GNAQ: variants seen among roughly 807,000 people sequenced by gnomAD.
GNAQ encodes G protein subunit alpha q, also known as guanine nucleotide-binding protein G(q) subunit alpha.
A neutral mutation model predicts 43.9 loss-of-function variants in GNAQ; 8 were observed. The observed-to-expected ratio is 0.18, with a 90% CI of 0.11 to 0.33. The LOEUF is 0.33. Ranked by LOEUF, GNAQ falls within the 10% of genes least tolerant of loss-of-function variation. The probability of loss-of-function intolerance (pLI) is 1.00; values close to 1 mark genes in which losing one functional copy is unlikely to be tolerated. For missense variants in GNAQ, 158 were observed against 450.8 expected, an observed-to-expected ratio of 0.35 and a Z score of 5.88; for synonymous variants, 155 against 170.7, an observed-to-expected ratio of 0.91 and a Z score of 0.71.
At chr9:77,805,427 T>C (rs1005097225) in intron 3 of GNAQ, among the ~76,000 whole-genome samples, 2 of 152,022 alleles carry the variant, frequency 1.3e-5, no homozygotes, top group African/African-American at 4.8e-5. Context: ...TTTTTTGAGA[T>C]GGAGTCTCGC....
chr9:78,027,381 G>A (rs540613425), intron 1 of GNAQ, among the ~76,000 whole-genome samples: 34 of 152,182 alleles, frequency 2.2e-4, no homozygotes, highest in South Asian at 8.3e-4. Flanking sequence ...AGCATTCTAC[G>A]AGTTAGATAC....
chr9:77,923,040 A>G (rs1039685478), intron 1 of GNAQ, among the ~76,000 whole-genome samples: 3 of 151,292 alleles, frequency 2.0e-5, no homozygotes, highest in African/African-American at 7.3e-5. Context: ...AAATTTCTGT[A>G]GAGACAGGTT....
chr9:77,995,893 C>T (rs747217934), intron 1 of GNAQ, among the ~76,000 whole-genome samples: 3 of 152,126 alleles, frequency 2.0e-5, no homozygotes, highest in Non-Finnish European at 2.9e-5. Flanking sequence ...ATTTAGAAGA[C>T]ACAACTTGAT....
intron 3 of GNAQ, among the ~76,000 whole-genome samples, chr9:77,800,159 G>A (rs975013535): frequency 6.6e-6 from 1 of 151,964 alleles, no homozygotes; most frequent in African/African-American, 2.4e-5. Flanking sequence ...GTGGAAGTCA[G>A]TGTGGCGATT....
At chr9:77,757,368 C>T (rs2118314752) in intron 5 of GNAQ, among the ~76,000 whole-genome samples, 1 of 152,282 alleles carries the variant, frequency 6.6e-6, no homozygotes, top group Admixed American at 6.5e-5. Context: ...ACCAGATCTG[C>T]AAATAATCAT....
At chr9:77,918,972 C>T (rs1828956983) in intron 2 of GNAQ, among the ~76,000 whole-genome samples, 1 of 152,106 alleles carries the variant, frequency 6.6e-6, no homozygotes, top group African/African-American at 2.4e-5. Flanking sequence ...CAGGCTGCAG[C>T]GTAGCGGCAT....
intron 5 of GNAQ, among the ~76,000 whole-genome samples, chr9:77,751,828 C>T (rs545989978): frequency 3.7e-4 from 56 of 151,994 alleles, no homozygotes; most frequent in Non-Finnish European, 4.9e-4. Flanking sequence ...AAAAAACAAA[C>T]GAAAAAAACA....
At chr9:77,732,183 G>A (rs768024414) in intron 5 of GNAQ, among the ~76,000 whole-genome samples, 45 of 152,142 alleles carry the variant, frequency 3.0e-4, no homozygotes, top group Non-Finnish European at 8.8e-5. Context: ...ATCTGCCAGA[G>A]CATGACGTTT....
intron 2 of GNAQ, among the ~76,000 whole-genome samples, chr9:77,834,303 G>A (rs1827348823): frequency 6.6e-6 from 1 of 152,180 alleles, no homozygotes. Context: ...CCTGGCTACT[G>A]AGAGATTAAT....
chr9:78,004,826 T>C (rs1823686013), intron 1 of GNAQ, among the ~76,000 whole-genome samples: 1 of 151,796 alleles, frequency 6.6e-6, no homozygotes, highest in African/African-American at 2.4e-5. Context: ...AAAAGCATCC[T>C]AGGGGTGGGA....
At chr9:77,957,571 T>C (rs558231214) in intron 1 of GNAQ, among the ~76,000 whole-genome samples, 6 of 152,086 alleles carry the variant, frequency 3.9e-5, no homozygotes, top group Non-Finnish European at 8.8e-5. Flanking sequence ...AAGGGGAATT[T>C]GCTTGTTTTT....
intron 1 of GNAQ, among the ~76,000 whole-genome samples, chr9:77,933,784 A>G (rs1829189258): frequency 6.6e-6 from 1 of 152,226 alleles, no homozygotes; most frequent in Non-Finnish European, 1.5e-5. Context: ...GACCCTTCAA[A>G]CTTAATACAC....
At chr9:77,924,274 A>G (rs1829038173) in intron 1 of GNAQ, among the ~76,000 whole-genome samples, 1 of 152,214 alleles carries the variant, frequency 6.6e-6, no homozygotes, top group Non-Finnish European at 1.5e-5. Context: ...TAGTAGAAAT[A>G]AAGCTACAAA....
In GNAQ at chr9:77,819,420, C is replaced by A. The variant is rs116151827; in HGVS notation, c.322-3650G>T. 6.7e-3 allele frequency among the ~76,000 whole-genome samples: 1,013 copies of A among 152,264 alleles called. 19 individuals carry two copies. Among genetic ancestry groups the A allele is most frequent in the African/African-American group, 0.023 (955 of 41,544 alleles). ...CTTACCCAGCCCACAGCAGGCCAAGCCTTTAGGTGAAATGAAAAAGACCTC... is the reference window on the plus strand; with the variant it reads ...CTTACCCAGCCCACAGCAGGCCAAGACTTTAGGTGAAATGAAAAAGACCTC... On this transcript the variant is annotated intron_variant, in intron 2 of 6. Coordinates refer to ENST00000286548, the MANE Select transcript of GNAQ (RefSeq NM_002072.5).
chr9:77,936,500 T>C (rs184156895), intron 1 of GNAQ, among the ~76,000 whole-genome samples: 21 of 152,182 alleles, frequency 1.4e-4, no homozygotes, highest in East Asian at 5.8e-4. Context: ...TGTTTCATCA[T>C]AGAAAAGATA....
chr9:77,910,657 A>T (rs1828786326), intron 2 of GNAQ, among the ~76,000 whole-genome samples: 1 of 151,940 alleles, frequency 6.6e-6, no homozygotes, highest in Non-Finnish European at 1.5e-5. Context: ...AATCAGCCAT[A>T]TCAGTTTCTG....
chr9:77,859,794 A>G (rs1827814187), intron 2 of GNAQ, among the ~76,000 whole-genome samples: 1 of 152,228 alleles, frequency 6.6e-6, no homozygotes, highest in Non-Finnish European at 1.5e-5. Context: ...ATGCAGTAAA[A>G]TATGAGGCTG....
intron 2 of GNAQ, among the ~76,000 whole-genome samples, chr9:77,858,547 A>G (rs1209104605): frequency 6.6e-6 from 1 of 152,038 alleles, no homozygotes; most frequent in African/African-American, 2.4e-5. Context: ...ACTCTTTCAG[A>G]GGTCTCCAAA....
At chr9:77,765,881 A>G (rs1471687063) in intron 5 of GNAQ, among the ~76,000 whole-genome samples, 1 of 152,242 alleles carries the variant, frequency 6.6e-6, no homozygotes, top group Non-Finnish European at 1.5e-5. Flanking sequence ...TTACACATAC[A>G]ATGGAATATT....
Sources: gnomAD v4.1 joint callset for allele counts (sites outside exome capture counted in the v4.1 genomes callset) on GRCh38, gnomAD v4.1.1 for gene constraint, MANE v1.5 for transcripts, NCBI Gene and HGNC (gene_info 2026-07-23, HGNC 2026-07-21) for gene names.